Variants in EFNA5 observed in about 807,000 individuals in gnomAD.
EFNA5 encodes the protein ephrin A5, also known as ephrin-A5.
In EFNA5, 5 loss-of-function variants were observed where a neutral mutation model predicts 22.9. The observed-to-expected ratio is 0.22, with a 90% CI of 0.11 to 0.46. The LOEUF is 0.46. Ranked by LOEUF, EFNA5 falls within the 20% of genes least tolerant of loss-of-function variation. The pLI, the probability that EFNA5 is intolerant of heterozygous loss-of-function variation, is 0.99. For missense variants in EFNA5, 237 were observed against 293.3 expected (o/e 0.81, Z 1.40); for synonymous variants, 113 against 112.2 (o/e 1.01, Z -0.04).
chr5:107,482,132 A>G (rs1750483596), intron 1 of EFNA5, among the ~76,000 whole-genome samples: 1 of 152,148 alleles, frequency 6.6e-6, no homozygotes, highest in East Asian at 1.9e-4. Flanking sequence ...CAACATAGGG[A>G]AACCCTTACT....
chr5:107,469,019 C>G (rs1278739696), intron 1 of EFNA5, among the ~76,000 whole-genome samples: 2 of 152,186 alleles, frequency 1.3e-5, no homozygotes, highest in Admixed American at 1.3e-4. Context: ...GCCACAACCA[C>G]CAATGAATGT....
intron 1 of EFNA5, among the ~76,000 whole-genome samples, chr5:107,595,849 T>TCAGGC (rs1288837136): frequency 2.0e-5 from 3 of 152,118 alleles, no homozygotes; most frequent in Non-Finnish European, 4.4e-5. Context: ...CTTCAAAGTG[T>TCAGGC]CAGGCATCTA....
intron 2 of EFNA5, among the ~76,000 whole-genome samples, chr5:107,395,296 G>A (rs965791215): frequency 2.6e-5 from 4 of 151,898 alleles, no homozygotes; most frequent in East Asian, 1.9e-4. Context: ...GCCTCAGCCT[G>A]CCAAAGTGCT....
chr5:107,650,692 C>G (rs887822099), intron 1 of EFNA5, among the ~76,000 whole-genome samples: 1 of 152,190 alleles, frequency 6.6e-6, no homozygotes, highest in South Asian at 2.1e-4. Flanking sequence ...AATTTCCTGA[C>G]TGTATGATTG....
At chr5:107,567,521 A>AT (rs1243203341) in intron 1 of EFNA5, among the ~76,000 whole-genome samples, 1 of 152,206 alleles carries the variant, frequency 6.6e-6, no homozygotes, top group Admixed American at 6.5e-5. Context: ...AGAGAATACC[A>AT]TGACAGACAA....
intron 4 of EFNA5, among the ~76,000 whole-genome samples, chr5:107,386,689 CA>C (rs1469754674): frequency 3.3e-5 from 5 of 152,070 alleles, no homozygotes; most frequent in Non-Finnish European, 7.3e-5. Context: ...TTCTCCAGAC[CA>C]ATTACTATTG....
At chr5:107,390,276 C>T (rs1233790270) in intron 2 of EFNA5, among the ~76,000 whole-genome samples, 2 of 152,138 alleles carry the variant, frequency 1.3e-5, no homozygotes, top group Non-Finnish European at 2.9e-5. Context: ...CTATGTTATG[C>T]TCAAGGTTCT....
At chr5:107,419,036 C>T (rs546179867) in intron 2 of EFNA5, among the ~76,000 whole-genome samples, 9 of 152,304 alleles carry the variant, frequency 5.9e-5, no homozygotes, top group African/African-American at 2.2e-4. Context: ...CCTTTGATTT[C>T]ACTCAAACTA....
In EFNA5 at chr5:107,449,515, C is replaced by T. The variant is rs906209382; in HGVS notation, c.126-22006G>A. Among the ~76,000 whole-genome samples the T allele has an allele frequency of 2.0e-5, 3 of 151,880 alleles. No homozygotes were observed. The South Asian group carries it at 6.2e-4, about 32-fold the overall frequency. ...AGCTTATCACATCATCCCTCCCCGC[C>T]CCCCCAACTACACCTGCTCTGAACC... On this transcript the variant is annotated intron_variant, in intron 1 of 4. Coordinates refer to ENST00000333274, the MANE Select transcript of EFNA5 (RefSeq NM_001962.3).
chr5:107,492,346 T>C (rs1397919806), intron 1 of EFNA5, among the ~76,000 whole-genome samples: 3 of 152,248 alleles, frequency 2.0e-5, no homozygotes, highest in African/African-American at 7.2e-5. Context: ...GAAACAGTTA[T>C]ATGTCATCCT....
chr5:107,609,150 G>A (rs564567495), intron 1 of EFNA5, among the ~76,000 whole-genome samples: 2 of 152,266 alleles, frequency 1.3e-5, no homozygotes, highest in East Asian at 3.9e-4. Flanking sequence ...GAAATAGGAA[G>A]AAGACCAACT....
At chr5:107,566,871 T>G (rs1298329996) in intron 1 of EFNA5, among the ~76,000 whole-genome samples, 1 of 152,248 alleles carries the variant, frequency 6.6e-6, no homozygotes, top group Non-Finnish European at 1.5e-5. Flanking sequence ...AATATGTCCT[T>G]AAATGCAATC....
At chr5:107,609,475 T>A (rs1749784652) in intron 1 of EFNA5, among the ~76,000 whole-genome samples, 1 of 152,052 alleles carries the variant, frequency 6.6e-6, no homozygotes, top group Non-Finnish European at 1.5e-5. Context: ...GCAGGAGTAG[T>A]AGATCCACGT....
intron 1 of EFNA5, among the ~76,000 whole-genome samples, chr5:107,552,660 T>C (rs966842163): frequency 6.6e-6 from 1 of 152,258 alleles, no homozygotes; most frequent in African/African-American, 2.4e-5. Context: ...TCTGTTTATA[T>C]GAATTGGCTT....
At chr5:107,655,553 C>T (rs949819133) in intron 1 of EFNA5, among the ~76,000 whole-genome samples, 1 of 152,036 alleles carries the variant, frequency 6.6e-6, no homozygotes, top group African/African-American at 2.4e-5. Context: ...CTGGGTACAG[C>T]GCATAAGGAT....
chr5:107,516,540 T>C (rs1747485538), intron 1 of EFNA5, among the ~76,000 whole-genome samples: 2 of 152,238 alleles, frequency 1.3e-5, no homozygotes, highest in Admixed American at 1.3e-4. Flanking sequence ...CAAGTTATTT[T>C]TGTTTTTATA....
chr5:107,581,893 C>G (rs1382559874), intron 1 of EFNA5, among the ~76,000 whole-genome samples: 1 of 152,210 alleles, frequency 6.6e-6, no homozygotes, highest in East Asian at 1.9e-4. Context: ...ATTTTAGCTA[C>G]ACGTTGCAGG....
chr5:107,478,389 T>C (rs27750), intron 1 of EFNA5, among the ~76,000 whole-genome samples: 111,587 of 152,152 alleles, frequency 0.73, 42,333 homozygotes, highest in African/African-American at 0.93. Flanking sequence ...CAACAACAAA[T>C]ACTGCCCCTA....
rs142786468 is a variant in EFNA5 at position 107,624,055 on chromosome 5, C to T, written c.125+46434G>A. On this transcript the variant is annotated intron_variant, in intron 1 of 4. Coordinates refer to ENST00000333274, the MANE Select transcript of EFNA5 (RefSeq NM_001962.3). ...TCTAGAAATATGCAGAGTTAAGACC[C>T]GAAATAGGCCTTAATCTAGTATATC... Among the ~76,000 whole-genome samples the T allele has an allele frequency of 4.4e-3, 669 of 151,702 alleles. 4 individuals are homozygous for T. The highest frequency in any genetic ancestry group is 5.9e-3 in the Admixed American group (90 of 15,226).
Sources: allele counts gnomAD v4.1 joint callset (sites outside exome capture counted in the v4.1 genomes callset), GRCh38; gene constraint gnomAD v4.1.1; transcripts MANE v1.5; gene names NCBI Gene and HGNC (gene_info 2026-07-23, HGNC 2026-07-21).